Variants in UNC80 observed in about 807,000 individuals in gnomAD.
UNC80 encodes the protein unc-80 subunit of NALCN channel complex, also known as protein unc-80 homolog.
Under a neutral mutation model 384.6 loss-of-function variants are expected in UNC80, and 164 were observed. The observed-to-expected ratio is 0.43, with a 90% CI of 0.38 to 0.49. The LOEUF (loss-of-function observed/expected upper bound fraction) is 0.49, where lower values mean the gene tolerates loss of function less well. Among genes scored for constraint, UNC80 ranks in the 20% least tolerant of loss-of-function variants. The probability of loss-of-function intolerance (pLI) is 0.00; values close to 1 mark genes in which losing one functional copy is unlikely to be tolerated. For missense variants in UNC80, 3,330 were observed against 4,143.0 expected (o/e 0.80, Z 5.39); for synonymous variants, 1,486 against 1,527.8 (o/e 0.97, Z 0.64).
intron 26 of UNC80, among the ~76,000 whole-genome samples, chr2:209,892,494 AGT>A (rs1448364716): frequency 6.6e-6 from 1 of 152,192 alleles, no homozygotes; most frequent in Non-Finnish European, 1.5e-5. Flanking sequence ...GTAATTTTTC[AGT>A]GCTATAGGAT....
At chr2:209,795,063 T>C in intron 7 of UNC80, 1 of 204,340 alleles carries the variant, frequency 4.9e-6, no homozygotes, top group Non-Finnish European at 1.0e-5. Context: ...AGTTTGGAAC[T>C]TTACCTAGAG....
intron 35 of UNC80, among the ~76,000 whole-genome samples, chr2:209,926,058 T>C (rs1215763611): frequency 2.0e-5 from 3 of 152,228 alleles, no homozygotes; most frequent in Admixed American, 1.3e-4. Context: ...TGCAATTATA[T>C]TTATTTTTAA....
In UNC80 at chr2:209,839,537, A is replaced by G; in HGVS notation, c.3250+107A>G. ...CCGAAAAAGAAGACCTTCAAGTCAT[A>G]AGACCTAGACTGACTTCATTCATTC... On this transcript the variant is annotated intron_variant, in intron 19 of 64. Transcript: ENST00000673920. This position sits in a 1 kb window ranked among gnomAD's most constrained non-coding sequence, Gnocchi z 4.1. 2 of 1,163,850 alleles carry G rather than the reference A, an allele frequency of 1.7e-6. No individual in the cohort carries two copies. The highest frequency in any genetic ancestry group is 1.5e-5 in the African/African-American group (1 of 65,398). The allele number at this position is 1,163,850 out of a possible 1,614,324, so 72.1% of individuals were successfully genotyped here.
intron 22 of UNC80, among the ~76,000 whole-genome samples, chr2:209,864,201 G>C (rs1241943413): frequency 6.6e-6 from 1 of 152,072 alleles, no homozygotes; most frequent in Non-Finnish European, 1.5e-5. Context: ...AGGCTGGAGA[G>C]CAGCAAAGAT....
At chr2:209,882,797 TA>T (rs924557376) in intron 25 of UNC80, among the ~76,000 whole-genome samples, 59 of 152,080 alleles carry the variant, frequency 3.9e-4, no homozygotes, top group African/African-American at 7.2e-5. Flanking sequence ...TCCACTGTAA[TA>T]AAAAAAATAA....
intron 59 of UNC80, among the ~76,000 whole-genome samples, chr2:209,980,062 G>A (rs1354477380): frequency 6.6e-6 from 1 of 152,174 alleles, no homozygotes; most frequent in Non-Finnish European, 1.5e-5. Flanking sequence ...CCTGTGCCTG[G>A]CCTATAGACA....
chr2:209,868,599 T>C (rs184957977), intron 22 of UNC80, among the ~76,000 whole-genome samples: 8 of 152,300 alleles, frequency 5.3e-5, no homozygotes, highest in Admixed American at 5.2e-4. Context: ...ATAATGATCT[T>C]ATAAAATTCA....
In UNC80 at chr2:209,846,638, G is replaced by A. The variant is rs377427372; in HGVS notation, c.3455-2813G>A. ...AAAAGCTTATAAAAATGCATTCTAC[G>A]TAAATAGAATTATAATTACACCTCA... On this transcript the variant is annotated intron_variant, in intron 21 of 64. Transcript: ENST00000673920. Among the ~76,000 whole-genome samples, 36 of 151,986 alleles carry A rather than the reference G, an allele frequency of 2.4e-4. No individual in the cohort carries two copies. In the East Asian group the frequency reaches 5.0e-3, roughly 21 times the overall value.
chr2:209,910,649 CTTTTTTTT>C (rs540625562), intron 29 of UNC80, among the ~76,000 whole-genome samples: 12 of 104,364 alleles, frequency 1.1e-4, no homozygotes, highest in South Asian at 6.8e-4. Flanking sequence ...AAATGCTCAT[CTTTTTTTT>C]TTTTTTTTTT....
Position 209,995,625 on chromosome 2 carries a change from G to C in UNC80, c.*30G>C. The C allele has an allele frequency of 6.5e-7, 1 of 1,546,094 alleles. No individual in the cohort carries two copies. The highest frequency in any genetic ancestry group is 8.7e-7 in the Non-Finnish European group (1 of 1,143,482). ...GTATCTTGTAAGCTCTGCAGGTATAGAGAAGACATGAAAGTGATCTCTCTA... is the reference window on the plus strand; with the variant it reads ...GTATCTTGTAAGCTCTGCAGGTATACAGAAGACATGAAAGTGATCTCTCTA... On this transcript the variant is annotated 3_prime_UTR_variant, in exon 65 of 65. Coordinates refer to ENST00000673920, the MANE Select transcript of UNC80 (RefSeq NM_001371986.1).
intron 16 of UNC80, among the ~76,000 whole-genome samples, chr2:209,833,150 C>A (rs1376571293): frequency 6.6e-6 from 1 of 152,092 alleles, no homozygotes; most frequent in African/African-American, 2.4e-5. Context: ...AAGGGTCCTA[C>A]CTTCTACTTT....
chr2:209,809,152 G>A, intron 7 of UNC80: 1 of 605,166 alleles, frequency 1.7e-6, no homozygotes, highest in Non-Finnish European at 3.0e-6. Context: ...TTCCTTGGAG[G>A]CGGAGGCCGA....
intron 38 of UNC80, among the ~76,000 whole-genome samples, chr2:209,932,769 G>A (rs1322556130): frequency 6.6e-6 from 1 of 152,168 alleles, no homozygotes; most frequent in African/African-American, 2.4e-5. Context: ...GCACTGACAG[G>A]CATGTAGGTT....
chr2:209,840,701 T>A, intron 20 of UNC80, 53 bp downstream of exon 20: 1 of 1,436,860 alleles, frequency 7.0e-7, no homozygotes, highest in South Asian at 1.2e-5. Context: ...GATACAAACA[T>A]GTGAAGGCTG....
intron 35 of UNC80, among the ~76,000 whole-genome samples, chr2:209,922,818 T>G (rs1269121973): frequency 6.6e-6 from 1 of 152,120 alleles, no homozygotes; most frequent in Non-Finnish European, 1.5e-5. Context: ...TTTGTTTTTG[T>G]TTTTGTTTTT....
At chr2:209,966,744 T>A (rs2092752818) in intron 51 of UNC80, among the ~76,000 whole-genome samples, 1 of 151,944 alleles carries the variant, frequency 6.6e-6, no homozygotes, top group Non-Finnish European at 1.5e-5. Context: ...TGGAACCGAG[T>A]TGGGAAATCT....
At chr2:209,980,256 G>A (rs2093126325) in intron 59 of UNC80, among the ~76,000 whole-genome samples, 1 of 152,092 alleles carries the variant, frequency 6.6e-6, no homozygotes, top group African/African-American at 2.4e-5. Context: ...GCCTCTCCCA[G>A]CAATTCTTAT....
At chr2:209,886,762 A>G (rs565235751) in intron 25 of UNC80, among the ~76,000 whole-genome samples, 1 of 152,286 alleles carries the variant, frequency 6.6e-6, no homozygotes, top group African/African-American at 2.4e-5. Flanking sequence ...CTTAATCCTC[A>G]AGACTTAACT....
intron 4 of UNC80, among the ~76,000 whole-genome samples, chr2:209,782,881 A>G (rs928015166): frequency 6.6e-6 from 1 of 151,522 alleles, no homozygotes; most frequent in African/African-American, 2.4e-5. Flanking sequence ...TGGTATCAAC[A>G]TTGTCATGAT....
Sources: gnomAD v4.1 joint callset for allele counts (sites outside exome capture counted in the v4.1 genomes callset) on GRCh38, gnomAD v4.1.1 for gene constraint, Gnocchi (gnomAD v3.1) non-coding constraint, MANE v1.5 for transcripts, NCBI Gene and HGNC (gene_info 2026-07-23, HGNC 2026-07-21) for gene names.